EEF2K: variants seen among roughly 807,000 people sequenced by gnomAD.
EEF2K encodes alternative protein EEF2K.
In EEF2K, 70 loss-of-function variants were observed where a neutral mutation model predicts 93.8. The observed-to-expected ratio is 0.75, with a 90% CI of 0.62 to 0.91. EEF2K has a LOEUF of 0.91. EEF2K is among the 40% of genes least tolerant of loss of function. The pLI is 0.00. For synonymous variants in EEF2K, 376 were observed against 380.8 expected (o/e 0.99, Z 0.15); for missense variants, 935 against 972.9 (o/e 0.96, Z 0.52).
rs2047728035 is a variant in EEF2K, at chr16:22,284,074, T to A, written c.*78T>A. The A allele has an allele frequency of 7.8e-7, 1 of 1,288,614 alleles. No individual in the cohort carries two copies. The highest frequency in any genetic ancestry group is 1.1e-6 in the Non-Finnish European group (1 of 925,298). The allele number at this position is 1,288,614 out of a possible 1,614,324, so 79.8% of individuals were successfully genotyped here. A position where few individuals can be genotyped will look rare whatever the true frequency, so the allele number is the denominator to read the frequency against. On this transcript the variant is annotated 3_prime_UTR_variant, in exon 18 of 18. Coordinates refer to ENST00000263026, the MANE Select transcript of EEF2K (RefSeq NM_013302.5). The stretch of plus-strand genomic sequence containing the variant: ...TAAAAAAACAACAACAACAACTTAT[T>A]TAGTTTGGGGAGGGGAAGCATTTTT...
At chr16:22,227,306 G>A (rs762241017) in intron 2 of EEF2K, among the ~76,000 whole-genome samples, 7 of 151,254 alleles carry the variant, frequency 4.6e-5, no homozygotes, top group African/African-American at 7.3e-5. Flanking sequence ...TCACTGAAAC[G>A]TCCGCCTCCT....
rs1357735726 is a variant in EEF2K at position 22,258,781 on chromosome 16, A to G, written c.1231+86A>G. On this transcript the variant is annotated intron_variant, in intron 10 of 17. Transcript: ENST00000263026. ...ACCAGCTTTCATTTATGTTAGAAAA[A>G]TCAGACATGCTAATCGAAAAGGTTC... 5 of 1,558,430 alleles carry G rather than the reference A, an allele frequency of 3.2e-6. No homozygotes were observed. In the African/African-American group the frequency reaches 5.5e-5, roughly 17 times the overall value.
In EEF2K at chr16:22,286,239, TTGTG is replaced by T. The variant is rs150357370; in HGVS notation, c.*2254_*2257del. 1 of 152,040 alleles carries T rather than the reference TTGTG, an allele frequency of 6.6e-6. No homozygotes were observed. The highest frequency in any genetic ancestry group is 1.5e-5 in the Non-Finnish European group (1 of 68,006). 9.4% of individuals were successfully genotyped at this position (152,040 alleles called of 1,614,324 possible). A position where few individuals can be genotyped will look rare whatever the true frequency, so the allele number is the denominator to read the frequency against. On this transcript the variant is annotated 3_prime_UTR_variant, in exon 18 of 18. Transcript: ENST00000263026. ...ATCAGTAGTTGGCTTGTGTTACATTTTGTGTGTGTGTGTGCGTGTTTTAAACCAG... is the reference window on the plus strand; with the variant it reads ...ATCAGTAGTTGGCTTGTGTTACATTTTGTGTGTGTGCGTGTTTTAAACCAG...
At chr16:22,239,904 A>C (rs1159933342) in intron 2 of EEF2K, among the ~76,000 whole-genome samples, 1 of 152,000 alleles carries the variant, frequency 6.6e-6, no homozygotes, top group Admixed American at 6.6e-5. Flanking sequence ...AGAGATCGAG[A>C]CCATCCTGGC....
At chr16:22,242,752 C>T (rs2047236755) in intron 2 of EEF2K, among the ~76,000 whole-genome samples, 1 of 152,100 alleles carries the variant, frequency 6.6e-6, no homozygotes, top group South Asian at 2.1e-4. Flanking sequence ...GATGAATTTT[C>T]CTGCATCCCA....
At chr16:22,213,854 G>A (rs1421249833) in intron 1 of EEF2K, among the ~76,000 whole-genome samples, 1 of 152,108 alleles carries the variant, frequency 6.6e-6, no homozygotes, top group Admixed American at 6.5e-5. Flanking sequence ...CTTTTTATAA[G>A]GATCCTTGTG....
intron 12 of EEF2K, 73 bp downstream of exon 12, chr16:22,263,260 C>T (rs2047484459): frequency 2.8e-6 from 4 of 1,421,498 alleles, no homozygotes; most frequent in South Asian, 2.5e-5. Context: ...TGAAAACTCC[C>T]CTTCCTGGAG....
At chr16:22,241,009 C>T (rs577344015) in intron 2 of EEF2K, among the ~76,000 whole-genome samples, 1 of 151,972 alleles carries the variant, frequency 6.6e-6, no homozygotes, top group Admixed American at 6.6e-5. Flanking sequence ...ACCTTGTGAT[C>T]TGCCTGCCTC....
At chr16:22,268,587 C>T (rs1385476907) in intron 15 of EEF2K, among the ~76,000 whole-genome samples, 1 of 152,120 alleles carries the variant, frequency 6.6e-6, no homozygotes, top group Admixed American at 6.6e-5. Context: ...CTGCCTCAGC[C>T]TCCTGAGTAG....
chr16:22,267,858 A>T (rs549996703), intron 15 of EEF2K, among the ~76,000 whole-genome samples: 2 of 152,174 alleles, frequency 1.3e-5, no homozygotes, highest in Non-Finnish European at 1.5e-5. Context: ...GAGCAGAGGG[A>T]GGAAAGGATT....
rs556954204 is a variant in EEF2K, at chr16:22,211,009, T to C, written c.-77+4330T>C. ...CGGGCTCAGAAATGGTACAAGTTAT[T>C]TGTGCTCTTTCATTGGCCAGAATGC... On this transcript the variant is annotated intron_variant, in intron 1 of 17. Transcript: ENST00000263026. Among the ~76,000 whole-genome samples, 10 of 152,288 alleles carry C rather than the reference T, an allele frequency of 6.6e-5. No homozygotes were observed. In the South Asian group the frequency reaches 1.9e-3, roughly 28 times the overall value.
chr16:22,216,665 G>C (rs547463178), intron 1 of EEF2K, among the ~76,000 whole-genome samples: 107 of 152,194 alleles, frequency 7.0e-4, no homozygotes, highest in African/African-American at 2.5e-3. Context: ...AGGTTGACGC[G>C]GGAGGATCAC....
chr16:22,287,302 T>G lies in EEF2K; in HGVS notation c.*3306T>G, dbSNP rs1444641251. 1 of 152,266 alleles carries G rather than the reference T, an allele frequency of 6.6e-6. No individual in the cohort carries two copies. The highest frequency in any genetic ancestry group is 1.5e-5 in the Non-Finnish European group (1 of 68,062). The allele number at this position is 152,266 out of a possible 1,614,324, so 9.4% of individuals were successfully genotyped here. A position where few individuals can be genotyped will look rare whatever the true frequency, so the allele number is the denominator to read the frequency against. On this transcript the variant is annotated 3_prime_UTR_variant, in exon 18 of 18. Transcript: ENST00000263026. ...CAAGAAAAACCCCTAGTTTTGTGCCTTCTGAAGATAGTTAGGACATCTTCT... is the reference window on the plus strand; with the variant it reads ...CAAGAAAAACCCCTAGTTTTGTGCCGTCTGAAGATAGTTAGGACATCTTCT...
intron 2 of EEF2K, among the ~76,000 whole-genome samples, chr16:22,235,242 A>G (rs983644595): frequency 1.3e-5 from 2 of 152,046 alleles, no homozygotes; most frequent in African/African-American, 4.8e-5. Flanking sequence ...ATATTTTGCT[A>G]TTAAGATCTT....
chr16:22,223,534 C>T (rs1478531719), intron 1 of EEF2K, among the ~76,000 whole-genome samples: 2 of 152,032 alleles, frequency 1.3e-5, no homozygotes, highest in African/African-American at 2.4e-5. Flanking sequence ...TTGGGTATGG[C>T]GTAAGGAAGG....
At chr16:22,253,513 C>A (rs370817236) in intron 6 of EEF2K, among the ~76,000 whole-genome samples, 1 of 152,072 alleles carries the variant, frequency 6.6e-6, no homozygotes, top group African/African-American at 2.4e-5. Context: ...GTGGGCTTGG[C>A]GGGCATCTTG....
At chr16:22,263,372 G>A in intron 12 of EEF2K, 185 bp downstream of exon 12, 1 of 339,764 alleles carries the variant, frequency 2.9e-6, no homozygotes, top group South Asian at 3.9e-5. Context: ...ACTTTGGGAG[G>A]CCAAGGCGGG....
At chr16:22,216,103 A>G (rs1380075338) in intron 1 of EEF2K, among the ~76,000 whole-genome samples, 1 of 152,218 alleles carries the variant, frequency 6.6e-6, no homozygotes, top group Non-Finnish European at 1.5e-5. Flanking sequence ...GGTGGGGCCC[A>G]GGATTCAAAC....
intron 6 of EEF2K, among the ~76,000 whole-genome samples, chr16:22,256,369 A>AG (rs2047398695): frequency 6.6e-6 from 1 of 151,962 alleles, no homozygotes; most frequent in African/African-American, 2.4e-5. Context: ...AAGGGCTGGG[A>AG]TTACAGGTGT....
Sources: gnomAD v4.1 joint callset for allele counts (sites outside exome capture counted in the v4.1 genomes callset) on GRCh38, gnomAD v4.1.1 for gene constraint, MANE v1.5 for transcripts, NCBI Gene and HGNC (gene_info 2026-07-23, HGNC 2026-07-21) for gene names.